The following REPS2 variants were observed in gnomAD, a reference collection of about 807,000 sequenced individuals.
REPS2 encodes ralBP1-associated Eps domain-containing protein 2.
Under a neutral mutation model 53.6 loss-of-function variants are expected in REPS2, and 23 were observed. That is an observed-to-expected ratio of 0.43 (90% confidence interval 0.31 to 0.61). REPS2 has a LOEUF of 0.61. REPS2 is among the 20% of genes least tolerant of loss of function. REPS2 has a pLI of 0.11. For synonymous variants in REPS2, 238 were observed against 218.6 expected (o/e 1.09, Z -0.78); for missense variants, 446 against 534.9 (o/e 0.83, Z 1.64).
At chrX:16,980,459 C>T (rs957406057) in intron 1 of REPS2, among the ~76,000 whole-genome samples, 7 of 110,373 alleles carry the variant, frequency 6.3e-5, no homozygotes, top group African/African-American at 2.3e-4. Context: ...CGTGCCACCA[C>T]GCCCAGCTAA....
chrX:17,036,740 C>T (rs1034885061), intron 5 of REPS2, among the ~76,000 whole-genome samples: 2 of 111,361 alleles, frequency 1.8e-5, no homozygotes, highest in Non-Finnish European at 3.8e-5. Flanking sequence ...TGTGTGTGTG[C>T]GTTGATCTCT....
intron 1 of REPS2, among the ~76,000 whole-genome samples, chrX:16,998,001 T>C (rs2061252577): frequency 9.0e-6 from 1 of 111,362 alleles, no homozygotes; most frequent in African/African-American, 3.3e-5. Context: ...TCCCAGCACT[T>C]TGGGAGGCCA....
intron 1 of REPS2, among the ~76,000 whole-genome samples, chrX:17,000,977 A>C (rs1329505090): frequency 8.9e-6 from 1 of 111,960 alleles, no homozygotes; most frequent in Non-Finnish European, 1.9e-5. Context: ...ACCTGGATGC[A>C]TGTAGGTTTG....
At chrX:17,043,847 C>T (rs951267146) in intron 5 of REPS2, among the ~76,000 whole-genome samples, 1 of 112,704 alleles carries the variant, frequency 8.9e-6, no homozygotes, top group Non-Finnish European at 1.9e-5. Context: ...AGCATGGGAA[C>T]GAGCAGTGCC....
At chrX:17,137,153 C>A (rs1467854004) in intron 16 of REPS2, 1 of 112,083 alleles carries the variant, frequency 8.9e-6, no homozygotes, top group Non-Finnish European at 1.9e-5. Context: ...GGGTCTGTAC[C>A]TAGGAGTGGA....
At chrX:17,117,990 C>T (rs1310421281) in intron 14 of REPS2, among the ~76,000 whole-genome samples, 8 of 76,830 alleles carry the variant, frequency 1.0e-4, no homozygotes, top group African/African-American at 1.5e-4. Flanking sequence ...GACGGAGTCT[C>T]GCTCTGTCGC....
chrX:16,972,221 A>G (rs2060903440), intron 1 of REPS2, among the ~76,000 whole-genome samples: 1 of 112,334 alleles, frequency 8.9e-6, no homozygotes, highest in Non-Finnish European at 1.9e-5. Context: ...TGTATCACCA[A>G]ATGCTGTTGA....
chrX:17,058,048 GT>G (rs2062098436), intron 8 of REPS2, among the ~76,000 whole-genome samples: 1 of 112,247 alleles, frequency 8.9e-6, no homozygotes, highest in Admixed American at 9.4e-5. Flanking sequence ...GACTAGTACT[GT>G]TTTATTGTTT....
the REPS2 span, among the ~76,000 whole-genome samples, chrX:17,191,611 C>T: frequency 2.7e-5 from 3 of 112,253 alleles, no homozygotes; most frequent in African/African-American, 6.5e-5. Flanking sequence ...CATATAAAAA[C>T]CTGTACATGA....
At chrX:17,166,090 C>G in the REPS2 span, among the ~76,000 whole-genome samples, 294 of 111,151 alleles carry the variant, frequency 2.6e-3, no homozygotes, top group African/African-American at 8.9e-3. Context: ...CTAAAGAATT[C>G]CAAAGCTCTC....
At chrX:17,039,869 C>T (rs1259119829) in intron 5 of REPS2, among the ~76,000 whole-genome samples, 1 of 112,547 alleles carries the variant, frequency 8.9e-6, no homozygotes, top group Non-Finnish European at 1.9e-5. Flanking sequence ...TAGGTACTTA[C>T]AGTGCCTGGC....
chrX:17,059,140 A>C (rs1456496447), intron 8 of REPS2, among the ~76,000 whole-genome samples: 1 of 106,988 alleles, frequency 9.3e-6, no homozygotes, highest in African/African-American at 3.4e-5. Context: ...CTTCCAAAGT[A>C]GCTGGGACTA....
the REPS2 span, among the ~76,000 whole-genome samples, chrX:17,165,192 T>A: frequency 1.8e-5 from 2 of 112,102 alleles, no homozygotes; most frequent in African/African-American, 6.5e-5. Context: ...CAGCCCTGAT[T>A]CACTCCATGG....
the REPS2 span, among the ~76,000 whole-genome samples, chrX:17,192,079 G>A: frequency 3.3e-4 from 37 of 112,388 alleles, no homozygotes; most frequent in African/African-American, 1.1e-3. Context: ...ATGTGAGCTT[G>A]GTACACCTGC....
the REPS2 span, among the ~76,000 whole-genome samples, chrX:17,191,078 A>G: frequency 2.7e-5 from 3 of 111,834 alleles, no homozygotes; most frequent in African/African-American, 9.7e-5. Flanking sequence ...CACAAAAAAC[A>G]TGATCCATAA....
At chrX:17,191,462 A>C in the REPS2 span, among the ~76,000 whole-genome samples, 1 of 112,611 alleles carries the variant, frequency 8.9e-6, no homozygotes, top group African/African-American at 3.2e-5. Flanking sequence ...ATGTACAACA[A>C]TTGGAGCTCT....
intron 5 of REPS2, among the ~76,000 whole-genome samples, chrX:17,036,556 C>T (rs184915532): frequency 1.3e-3 from 141 of 111,572 alleles, no homozygotes; most frequent in African/African-American, 4.5e-3. Context: ...CTGAGGCTCT[C>T]GAAGGAGGTT....
Position 17,148,048 on chromosome X carries a change from C to T in REPS2, c.*567C>T, listed in dbSNP as rs192407823. 8.9e-6 allele frequency: 1 copy of T among 112,505 alleles called. No individual in the cohort carries two copies. The highest frequency in any genetic ancestry group is 1.9e-5 in the Non-Finnish European group (1 of 53,288). The allele number at this position is 112,505 out of a possible 1,213,427, so 9.3% of individuals were successfully genotyped here. ...CCACTATATGCCAAAAATTGCTTCTCTAGTGCCATTTTGATATTATATCTA... is the reference window on the plus strand; with the variant it reads ...CCACTATATGCCAAAAATTGCTTCTTTAGTGCCATTTTGATATTATATCTA... On this transcript the variant is annotated 3_prime_UTR_variant, in exon 18 of 18. Transcript: ENST00000357277.
intron 14 of REPS2, among the ~76,000 whole-genome samples, chrX:17,114,277 GTCTAAAGGGA>G (rs1163851494): frequency 8.9e-6 from 1 of 112,165 alleles, no homozygotes; most frequent in African/African-American, 3.2e-5. Flanking sequence ...CTTTTTAGGG[GTCTAAAGGGA>G]TCGCTTAGGT....
Sources: allele counts gnomAD v4.1 joint callset (sites outside exome capture counted in the v4.1 genomes callset), GRCh38; gene constraint gnomAD v4.1.1; transcripts MANE v1.5; gene names NCBI Gene and HGNC (gene_info 2026-07-23, HGNC 2026-07-21).